Variants in BRSK2 observed in about 807,000 individuals in gnomAD.
BRSK2 encodes the protein serine/threonine-protein kinase BRSK2.
Under a neutral mutation model 83.3 loss-of-function variants are expected in BRSK2, and 19 were observed. The ratio of observed to expected loss-of-function variants is 0.23; its 90% CI spans 0.16 to 0.33. The LOEUF (loss-of-function observed/expected upper bound fraction) is 0.33. Among genes scored for constraint, BRSK2 ranks in the 10% least tolerant of loss-of-function variants. BRSK2 has a pLI of 1.00. For synonymous variants in BRSK2, 519 were observed against 435.4 expected (o/e 1.19, Z -2.39); for missense variants, 798 against 1,042.3 (o/e 0.77, Z 3.23).
At position 1,451,366 on chromosome 11, in the gene BRSK2, C is replaced by A; in HGVS notation, c.1496-5C>A. On this transcript the variant is annotated splice_region_variant and splice_polypyrimidine_tract_variant and intron_variant, in intron 14 of 19. Coordinates refer to ENST00000528841, the MANE Select transcript of BRSK2 (RefSeq NM_001256627.2). Reference sequence around the variant, plus strand: ...CCTTTCCTCCTGTTCATCCTGTGTGCACAGTTCCGACGCCGGAGGAGATGT... The same window carrying A: ...CCTTTCCTCCTGTTCATCCTGTGTGAACAGTTCCGACGCCGGAGGAGATGT... 1.9e-6 allele frequency: 3 copies of A among 1,612,970 alleles called. No individual in the cohort carries two copies. Among genetic ancestry groups the A allele is most frequent in the Non-Finnish European group, 2.5e-6 (3 of 1,179,872 alleles).
At chr11:1,446,128 G>GGCTGGGCTAAGCTGAGCTGGGCTGT (rs796661856) in intron 12 of BRSK2, among the ~76,000 whole-genome samples, 3 of 145,982 alleles carry the variant, frequency 2.1e-5, no homozygotes, top group Admixed American at 6.8e-5. Context: ...AGCTGGGCTG[G>GGCTGGGCTAAGCTGAGCTGGGCTGT]GCTGTGCTGG....
chr11:1,401,087 G>T (rs537966063), intron 1 of BRSK2, among the ~76,000 whole-genome samples: 1 of 152,262 alleles, frequency 6.6e-6, no homozygotes, highest in African/African-American at 2.4e-5. Context: ...TAGTGGTGGA[G>T]CCGGTCACAG....
chr11:1,459,420 AC>A, intron 19 of BRSK2, 181 bp downstream of exon 19: 1 of 662,206 alleles, frequency 1.5e-6, no homozygotes, highest in Non-Finnish European at 2.7e-6. Context: ...TCGCTCCCCT[AC>A]CACAGCAAGC....
chr11:1,420,469 C>T (rs1274161315), intron 1 of BRSK2, among the ~76,000 whole-genome samples: 1 of 152,214 alleles, frequency 6.6e-6, no homozygotes, highest in African/African-American at 2.4e-5. Context: ...GCCTTCTCTG[C>T]CTGCCTGCCT....
chr11:1,444,919 G>A (rs1309315533), intron 8 of BRSK2, 52 bp from the exon 9 acceptor site: 8 of 1,566,952 alleles, frequency 5.1e-6, no homozygotes, highest in African/African-American at 2.7e-5. Context: ...TCCTAATGTG[G>A]GCTCTTTCCG....
intron 1 of BRSK2, among the ~76,000 whole-genome samples, chr11:1,426,217 TGGGGATGTGTGTGGGGCGTGCTCC>T (rs138948555): frequency 0.2 from 28,553 of 139,496 alleles, 5,163 homozygotes; most frequent in African/African-American, 0.26. Context: ...CAGCGGGCAC[TGGGGATGTGTGTGGGGCGTGCTCC>T]GGGGATGTGT....
intron 1 of BRSK2, among the ~76,000 whole-genome samples, chr11:1,411,991 C>T (rs61868961): frequency 0.14 from 20,836 of 147,224 alleles, 1,719 homozygotes; most frequent in Non-Finnish European, 0.19. Flanking sequence ...TGCGCCGCCC[C>T]GTCCTGCGGT....
chr11:1,405,887 T>C (rs1435924760), intron 1 of BRSK2, among the ~76,000 whole-genome samples: 1 of 151,530 alleles, frequency 6.6e-6, no homozygotes, highest in Non-Finnish European at 1.5e-5. Context: ...CCTTGCCGAG[T>C]GATTGGCCCA....
intron 1 of BRSK2, among the ~76,000 whole-genome samples, chr11:1,414,671 C>T (rs941582070): frequency 6.6e-6 from 1 of 152,184 alleles, no homozygotes; most frequent in Non-Finnish European, 1.5e-5. Flanking sequence ...AGCGCATTCA[C>T]GGTGCTACGC....
In BRSK2 at chr11:1,423,491, T is replaced by C. The variant is rs1848832851; in HGVS notation, c.92-12549T>C. Among the ~76,000 whole-genome samples the C allele has an allele frequency of 3.9e-5, 6 of 152,010 alleles. No homozygotes were observed. Among genetic ancestry groups the C allele is most frequent in the Admixed American group, 2.0e-4 (3 of 15,272 alleles). On this transcript the variant is annotated intron_variant, in intron 1 of 19. Transcript: ENST00000528841. The surrounding 1 kb of genome is among the most constrained non-coding windows in gnomAD (Gnocchi z 6.5). Reference sequence around the variant, plus strand: ...AATTTGAGGTGCCTTAGGAGGTTCATGATGAAGGATGCGGCCCACAGTCGT... The same window carrying C: ...AATTTGAGGTGCCTTAGGAGGTTCACGATGAAGGATGCGGCCCACAGTCGT...
chr11:1,401,981 T>G (rs549843130), intron 1 of BRSK2, among the ~76,000 whole-genome samples: 3 of 152,258 alleles, frequency 2.0e-5, no homozygotes, highest in East Asian at 3.9e-4. Context: ...CCAGATGTGT[T>G]CGGTGCCTCC....
intron 1 of BRSK2, among the ~76,000 whole-genome samples, chr11:1,414,149 C>T (rs4963079): frequency 0.71 from 107,542 of 152,244 alleles, 38,547 homozygotes; most frequent in Non-Finnish European, 0.76. Context: ...TTTTTCTGTA[C>T]GAACTAGGAT....
chr11:1,414,844 A>T (rs1374828257), intron 1 of BRSK2, among the ~76,000 whole-genome samples: 2 of 152,082 alleles, frequency 1.3e-5, no homozygotes, highest in Admixed American at 1.3e-4. Flanking sequence ...GGCTTCCTTC[A>T]CACAGCAGAA....
At chr11:1,439,866 A>G (rs952109021) in intron 3 of BRSK2, among the ~76,000 whole-genome samples, 6 of 145,592 alleles carry the variant, frequency 4.1e-5, no homozygotes, top group African/African-American at 1.6e-4. Flanking sequence ...TGGGGGCTTC[A>G]TATCTTCCCC....
rs774675706 is a variant in BRSK2, at chr11:1,449,847, C to T, written c.1287+11C>T. ...CTCAGCAGCCCCCGGGTGAGTGACC[C>T]CCCGCCCCCACCCAGCTCGGATGCA... On this transcript the variant is annotated intron_variant, in intron 13 of 19. Transcript: ENST00000528841. 6.9e-6 allele frequency: 11 copies of T among 1,601,886 alleles called. No homozygotes were observed. Among genetic ancestry groups the T allele is most frequent in the African/African-American group, 1.3e-5 (1 of 74,756 alleles).
At chr11:1,448,007 AAGGGCCCGCGGGCCAGGC>A in intron 12 of BRSK2, 1 of 856,466 alleles carries the variant, frequency 1.2e-6, no homozygotes, top group South Asian at 1.6e-5. Context: ...CAAGCCAGGC[AAGGGCCCGCGGGCCAGGC>A]AGAGGCCGAG....
chr11:1,436,141 G>A lies in BRSK2; in HGVS notation c.186+7G>A, dbSNP rs1333461394. ...CGAGTCGGTGCTGATGAAGGTGGGT[G>A]GGGCCGGGGAGGGAGGCGGGGCCGG... On this transcript the variant is annotated splice_region_variant and intron_variant, in intron 2 of 19. Transcript: ENST00000528841. 1.4e-6 allele frequency: 2 copies of A among 1,387,528 alleles called. No individual in the cohort carries two copies. Among genetic ancestry groups the A allele is most frequent in the Non-Finnish European group, 9.7e-7 (1 of 1,029,868 alleles). 86.0% of individuals were successfully genotyped at this position (1,387,528 alleles called of 1,614,324 possible).
intron 1 of BRSK2, among the ~76,000 whole-genome samples, chr11:1,393,669 G>T (rs1304370607): frequency 6.6e-6 from 1 of 152,150 alleles, no homozygotes; most frequent in Non-Finnish European, 1.5e-5. Flanking sequence ...AGGGGTCCTG[G>T]GATGGGAGGA....
At position 1,460,734 on chromosome 11, in the gene BRSK2, C is replaced by CCCG. The variant is rs1554922182; in HGVS notation, c.*13_*14insGCC. ...CGCGAGCAGCCTTAGACACACTAGCCCCCCCCCCCAGCACAGCACTGACAG... is the reference window on the plus strand; with the variant it reads ...CGCGAGCAGCCTTAGACACACTAGCCCCGCCCCCCCCCAGCACAGCACTGACAG... On this transcript the variant is annotated 3_prime_UTR_variant, in exon 20 of 20. Transcript: ENST00000528841. 11 of 796,544 alleles carry CCCG rather than the reference C, an allele frequency of 1.4e-5. No homozygotes were observed. Among genetic ancestry groups the CCCG allele is most frequent in the Non-Finnish European group, 1.8e-5 (11 of 626,044 alleles). The allele number at this position is 796,544 out of a possible 1,614,324, so 49.3% of individuals were successfully genotyped here.
Sources: allele counts gnomAD v4.1 joint callset (sites outside exome capture counted in the v4.1 genomes callset), GRCh38; gene constraint gnomAD v4.1.1; non-coding constraint Gnocchi (gnomAD v3.1); transcripts MANE v1.5; gene names NCBI Gene and HGNC (gene_info 2026-07-23, HGNC 2026-07-21).